The following FGF14 variants were observed in gnomAD, a reference collection of about 807,000 sequenced individuals.
FGF14 encodes the protein fibroblast growth factor 14.
FGF14 carries 5 observed loss-of-function variants against 25.5 expected under a neutral mutation model. That is an observed-to-expected ratio of 0.20 (90% CI 0.10 to 0.41). The LOEUF (loss-of-function observed/expected upper bound fraction) is 0.41. Ranked by LOEUF, FGF14 falls within the 10% of genes least tolerant of loss-of-function variation. The probability of loss-of-function intolerance (pLI) is 1.00; values close to 1 mark genes in which losing one functional copy is unlikely to be tolerated. For synonymous variants in FGF14, 138 were observed against 118.3 expected, an observed-to-expected ratio of 1.17 and a Z score of -1.08; for missense variants, 222 against 320.1, an observed-to-expected ratio of 0.69 and a Z score of 2.34.
chr13:101,995,543 T>C (rs1383990284), intron 1 of FGF14, among the ~76,000 whole-genome samples: 2 of 152,176 alleles, frequency 1.3e-5, no homozygotes, highest in East Asian at 3.8e-4. Flanking sequence ...TACATTATCT[T>C]ACCAATTAGA....
In FGF14 at chr13:102,291,975, G is replaced by A. The variant is rs548491455; in HGVS notation, c.208+109496C>T. ...AGGGTAAGAGAAATGCTTGAGAGTC[G>A]CTGCAGTGAGTCAGCACATTAATGC... On this transcript the variant is annotated intron_variant, in intron 1 of 4. Transcript: ENST00000376131. 7.2e-5 allele frequency among the ~76,000 whole-genome samples: 11 copies of A among 152,090 alleles called. No homozygotes were observed. The East Asian group carries it at 7.8e-4, about 11-fold the overall frequency.
chr13:101,759,146 TAG>T (rs746405623), intron 3 of FGF14, among the ~76,000 whole-genome samples: 2 of 152,150 alleles, frequency 1.3e-5, no homozygotes, highest in South Asian at 4.1e-4. Context: ...TTGATTTGGG[TAG>T]AGTCACAAGA....
chr13:102,002,770 C>G (rs767494901), intron 1 of FGF14: 3 of 152,194 alleles, frequency 2.0e-5, no homozygotes, highest in Admixed American at 6.5e-5. Flanking sequence ...TTAGCTAAAA[C>G]TATTTTGGAA....
intron 1 of FGF14, among the ~76,000 whole-genome samples, chr13:102,043,493 AAGTACTTGAC>A (rs1353279661): frequency 6.6e-6 from 1 of 152,206 alleles, no homozygotes; most frequent in African/African-American, 2.4e-5. Context: ...TTAGAAGGGC[AAGTACTTGAC>A]AGTGGATGAA....
In FGF14 at chr13:101,722,964, G is replaced by A. The variant is rs1253587121; in HGVS notation, c.611C>T (p.Ala204Val). Residue 204 changes from alanine (A) to valine (V), a missense_variant, in exon 5 of 5, where the codon GCC becomes GTC. Physicochemically the swap from Ala to Val is moderately conservative, Grantham distance 64 (BLOSUM62 0). This residue lies in a region of FGF14 where 66 missense variants were observed against 90.3 expected (regional missense o/e 0.73). Coordinates refer to ENST00000376143, the MANE Select transcript of FGF14 (RefSeq NM_004115.4). ...ATGCAAAGATGGTTCTCGGTACATG[G>A]CAACTAGTGATGGGAAGAAAGGAGG... is the stretch of plus-strand genomic sequence containing the variant. The part of the protein sequence containing the change: ...AHFLPKPLEV[A>V]MYREPSLHDV... The A allele has an allele frequency of 1.2e-6, 2 of 1,613,220 alleles. No homozygotes were observed. The highest frequency in any genetic ancestry group is 1.7e-6 in the Non-Finnish European group (2 of 1,179,440).
chr13:101,811,613 C>G (rs893322726), intron 3 of FGF14, among the ~76,000 whole-genome samples: 2 of 152,136 alleles, frequency 1.3e-5, no homozygotes, highest in Non-Finnish European at 2.9e-5. Context: ...TTTTCAATTC[C>G]TTTGCATAGA....
At chr13:102,101,668 G>A (rs1333163216) in intron 1 of FGF14, among the ~76,000 whole-genome samples, 1 of 151,894 alleles carries the variant, frequency 6.6e-6, no homozygotes, top group African/African-American at 2.4e-5. Context: ...ACTCTTAGGA[G>A]TACTAATGAA....
intron 1 of FGF14, among the ~76,000 whole-genome samples, chr13:102,096,878 G>T (rs909023305): frequency 2.6e-5 from 4 of 152,138 alleles, no homozygotes; most frequent in East Asian, 3.8e-4. Flanking sequence ...AAAATAAGAA[G>T]AAGAAATTAT....
intron 1 of FGF14, among the ~76,000 whole-genome samples, chr13:102,197,189 T>A (rs570865600): frequency 7.2e-6 from 1 of 138,462 alleles, no homozygotes; most frequent in South Asian, 2.4e-4. Flanking sequence ...TTTATCGTAC[T>A]CTCTCCAAGC....
At chr13:102,059,659 T>TG (rs1301255537) in intron 1 of FGF14, among the ~76,000 whole-genome samples, 1 of 151,816 alleles carries the variant, frequency 6.6e-6, no homozygotes, top group African/African-American at 2.4e-5. Flanking sequence ...GAAACCGGCA[T>TG]GGCCAACGTG....
chr13:101,813,861 C>A (rs1019229354), intron 3 of FGF14, among the ~76,000 whole-genome samples: 1 of 152,124 alleles, frequency 6.6e-6, no homozygotes, highest in Admixed American at 6.5e-5. Flanking sequence ...TAACAGCATA[C>A]CTTTGACAGG....
intron 1 of FGF14, among the ~76,000 whole-genome samples, chr13:102,291,730 A>G (rs1288540891): frequency 1.3e-5 from 2 of 152,122 alleles, no homozygotes; most frequent in Non-Finnish European, 2.9e-5. Context: ...AAAAAAATAC[A>G]GAGCTCAGAG....
intron 1 of FGF14, among the ~76,000 whole-genome samples, chr13:101,962,496 T>C (rs931974147): frequency 1.2e-4 from 18 of 152,230 alleles, no homozygotes; most frequent in East Asian, 1.9e-4. Flanking sequence ...TAATAACCCA[T>C]AGAATGACTA....
intron 1 of FGF14, among the ~76,000 whole-genome samples, chr13:102,234,548 A>G (rs1215438917): frequency 6.6e-6 from 1 of 152,242 alleles, no homozygotes; most frequent in African/African-American, 2.4e-5. Flanking sequence ...AAGATGGCAC[A>G]TTTTATGTTA....
chr13:101,978,371 T>C (rs777024563), intron 1 of FGF14, among the ~76,000 whole-genome samples: 3 of 152,222 alleles, frequency 2.0e-5, no homozygotes, highest in Non-Finnish European at 4.4e-5. Flanking sequence ...CTAATCTGCA[T>C]AGGAGACCTG....
At chr13:102,147,076 T>G (rs965637187) in intron 1 of FGF14, among the ~76,000 whole-genome samples, 2 of 152,220 alleles carry the variant, frequency 1.3e-5, no homozygotes, top group Non-Finnish European at 1.5e-5. Context: ...GAATATATTA[T>G]GGTACAATTT....
intron 1 of FGF14, among the ~76,000 whole-genome samples, chr13:101,966,501 G>A (rs1006059265): frequency 2.0e-5 from 3 of 151,148 alleles, no homozygotes; most frequent in African/African-American, 7.3e-5. Flanking sequence ...TTGTTTTTTT[G>A]AGACAGAGTC....
At chr13:102,248,611 A>C (rs2052004284) in intron 1 of FGF14, among the ~76,000 whole-genome samples, 1 of 152,172 alleles carries the variant, frequency 6.6e-6, no homozygotes, top group African/African-American at 2.4e-5. Context: ...TGGGGGCCAG[A>C]TTACCAAGAG....
intron 1 of FGF14, among the ~76,000 whole-genome samples, chr13:102,380,782 A>G (rs1185831452): frequency 2.0e-5 from 3 of 152,208 alleles, no homozygotes; most frequent in African/African-American, 7.2e-5. Flanking sequence ...AAAAGTAAAT[A>G]TAGCACCATA....
Sources: gnomAD v4.1 joint callset for allele counts (sites outside exome capture counted in the v4.1 genomes callset) on GRCh38, gnomAD v4.1.1 for gene constraint, gnomAD v4.1.1 regional missense constraint, MANE v1.5 for transcripts, NCBI Gene and HGNC (gene_info 2026-07-23, HGNC 2026-07-21) for gene names.